RIMKLB: variants seen among roughly 807,000 people sequenced by gnomAD.
The protein encoded by RIMKLB is ribosomal modification protein rimK like family member B, also known as beta-citrylglutamate synthase B.
A neutral mutation model predicts 32.0 loss-of-function variants in RIMKLB; 7 were observed. That is an observed-to-expected ratio of 0.22 (90% CI 0.12 to 0.41). The LOEUF is 0.41. Ranked by LOEUF, RIMKLB falls within the 10% of genes least tolerant of loss-of-function variation. The probability of loss-of-function intolerance (pLI) is 1.00; values close to 1 mark genes in which losing one functional copy is unlikely to be tolerated. For synonymous variants in RIMKLB, 172 were observed against 185.1 expected, an observed-to-expected ratio of 0.93 and a Z score of 0.57; for missense variants, 289 against 498.7, an observed-to-expected ratio of 0.58 and a Z score of 4.00.
At chr12:8,727,655 T>G (rs931212574) in intron 2 of RIMKLB, among the ~76,000 whole-genome samples, 1 of 152,128 alleles carries the variant, frequency 6.6e-6, no homozygotes. Flanking sequence ...TGCCAGCACT[T>G]CGGCAGGCTG....
intron 5 of RIMKLB, among the ~76,000 whole-genome samples, chr12:8,772,240 A>C (rs1950467330): frequency 6.6e-6 from 1 of 152,156 alleles, no homozygotes; most frequent in Non-Finnish European, 1.5e-5. Context: ...TTTGCATATT[A>C]CTTGATTTTC....
At chr12:8,746,999 C>T (rs7975293) in intron 2 of RIMKLB, among the ~76,000 whole-genome samples, 5,608 of 152,080 alleles carry the variant, frequency 0.037, 332 homozygotes, top group African/African-American at 0.13. Context: ...CCTCTGCTTC[C>T]CAAAGTGCTG....
chr12:8,757,718 C>T (rs1392482051), intron 5 of RIMKLB, among the ~76,000 whole-genome samples: 1 of 152,074 alleles, frequency 6.6e-6, no homozygotes, highest in African/African-American at 2.4e-5. Context: ...AAAACTTCAT[C>T]CTTAGATACA....
chr12:8,745,970 C>T (rs1387172892), intron 2 of RIMKLB, among the ~76,000 whole-genome samples: 2 of 151,830 alleles, frequency 1.3e-5, no homozygotes, highest in Non-Finnish European at 2.9e-5. Flanking sequence ...GCTGGGATTA[C>T]AGGCGTGAGC....
chr12:8,768,511 T>C (rs934122655), intron 5 of RIMKLB, among the ~76,000 whole-genome samples: 6 of 152,238 alleles, frequency 3.9e-5, no homozygotes, highest in African/African-American at 1.4e-4. Flanking sequence ...GCCAATATTA[T>C]TATTTTTAAA....
At chr12:8,698,817 TAG>T (rs993395234) in intron 1 of RIMKLB, among the ~76,000 whole-genome samples, 6 of 152,244 alleles carry the variant, frequency 3.9e-5, no homozygotes, top group East Asian at 3.9e-4. Flanking sequence ...GTGTAAATTT[TAG>T]AGAGTGTGAC....
chr12:8,706,689 G>A (rs1943913556), intron 1 of RIMKLB, among the ~76,000 whole-genome samples: 1 of 151,978 alleles, frequency 6.6e-6, no homozygotes, highest in African/African-American at 2.4e-5. Context: ...CTGACCTCAG[G>A]TGATCCCGCC....
intron 1 of RIMKLB, among the ~76,000 whole-genome samples, chr12:8,701,188 T>C (rs1943363574): frequency 6.6e-6 from 1 of 152,146 alleles, no homozygotes; most frequent in African/African-American, 2.4e-5. Flanking sequence ...TTTCAAGAGG[T>C]TGAGTAGGGA....
downstream of RIMKLB, chr12:8,779,147 A>G (rs1950898462): frequency 6.6e-6 from 1 of 152,242 alleles, no homozygotes. Flanking sequence ...AGTGGCTAAC[A>G]TTAGAGCATA....
rs767426569 is a variant in RIMKLB, at chr12:8,698,185, C to T, written c.-169C>T. The T allele has an allele frequency of 2.9e-5, 10 of 347,022 alleles. No homozygotes were observed. The East Asian group carries it at 1.0e-3, about 36-fold the overall frequency. 21.5% of individuals were successfully genotyped at this position (347,022 alleles called of 1,614,324 possible). A position where few individuals can be genotyped will look rare whatever the true frequency, so the allele number is the denominator to read the frequency against. On this transcript the variant is annotated 5_prime_UTR_variant, in exon 1 of 6. Transcript: ENST00000535829. ...AGGAGGCGGCTCCCGGTATCCCGAC[C>T]CCCTCCCCCTCCTCTCCTTCCCCCA...
intron 2 of RIMKLB, among the ~76,000 whole-genome samples, chr12:8,719,886 A>G (rs1591727387): frequency 6.6e-6 from 1 of 152,130 alleles, no homozygotes; most frequent in Non-Finnish European, 1.5e-5. Flanking sequence ...AAAATTGTCA[A>G]CTCCTGAGGT....
intron 2 of RIMKLB, among the ~76,000 whole-genome samples, chr12:8,716,375 GTC>G (rs1358406644): frequency 3.5e-5 from 5 of 144,548 alleles, no homozygotes; most frequent in Non-Finnish European, 4.5e-5. Context: ...CAGCTTCTCT[GTC>G]TCTGTTTGTA....
At chr12:8,759,725 T>C (rs1949360481) in intron 5 of RIMKLB, among the ~76,000 whole-genome samples, 1 of 152,132 alleles carries the variant, frequency 6.6e-6, no homozygotes, top group Non-Finnish European at 1.5e-5. Context: ...TTCCAGATTC[T>C]CCCCAGTTGA....
the RIMKLB span, among the ~76,000 whole-genome samples, chr12:8,672,161 G>A: frequency 9.9e-5 from 15 of 152,266 alleles, no homozygotes; most frequent in South Asian, 2.9e-3. Context: ...CACACAGCCT[G>A]GATTTTATTG....
chr12:8,721,776 C>T (rs1296232627), intron 2 of RIMKLB, among the ~76,000 whole-genome samples: 13 of 152,166 alleles, frequency 8.5e-5, no homozygotes, highest in African/African-American at 3.1e-4. Context: ...TGGAGTCTGA[C>T]TCTGGCACCC....
At chr12:8,698,713 C>CA (rs1211450916) in intron 1 of RIMKLB, among the ~76,000 whole-genome samples, 1 of 103,290 alleles carries the variant, frequency 9.7e-6, no homozygotes, top group Non-Finnish European at 2.2e-5. Context: ...CCCCTCCCCC[C>CA]CCTTCCCACA....
At chr12:8,751,304 T>C (rs1948601138) in intron 3 of RIMKLB, among the ~76,000 whole-genome samples, 1 of 152,236 alleles carries the variant, frequency 6.6e-6, no homozygotes, top group South Asian at 2.1e-4. Context: ...ATTTCACTTG[T>C]TTAATGGACT....
intron 1 of RIMKLB, among the ~76,000 whole-genome samples, chr12:8,682,697 G>A (rs1942446553): frequency 6.6e-6 from 1 of 151,680 alleles, no homozygotes; most frequent in Admixed American, 6.6e-5. Context: ...GCGTGAACCC[G>A]GGAGGCGGAG....
chr12:8,730,868 T>TA (rs1461804657), intron 2 of RIMKLB, among the ~76,000 whole-genome samples: 1 of 151,900 alleles, frequency 6.6e-6, no homozygotes, highest in Non-Finnish European at 1.5e-5. Context: ...GCCTTGTAAG[T>TA]AGCTGGGATT....
Sources: gnomAD v4.1 joint callset for allele counts (sites outside exome capture counted in the v4.1 genomes callset) on GRCh38, gnomAD v4.1.1 for gene constraint, MANE v1.5 for transcripts, NCBI Gene and HGNC (gene_info 2026-07-23, HGNC 2026-07-21) for gene names.